MYOF: variants seen among roughly 807,000 people sequenced by gnomAD.
MYOF encodes fer-1-like 3, myoferlin.
In MYOF, 244 loss-of-function variants were observed where a neutral mutation model predicts 284.2. The observed-to-expected ratio is 0.86, with a 90% CI of 0.77 to 0.95. The LOEUF (loss-of-function observed/expected upper bound fraction) is 0.95. MYOF is among the 40% of genes least tolerant of loss of function. The pLI is 0.00. For missense variants in MYOF, 2,496 were observed against 2,560.6 expected (o/e 0.97, Z 0.54); for synonymous variants, 904 against 919.7 (o/e 0.98, Z 0.31).
intron 29 of MYOF, 46 bp downstream of exon 29, chr10:93,359,787 G>A (rs1351097877): frequency 1.2e-6 from 2 of 1,609,006 alleles, no homozygotes; most frequent in Admixed American, 3.4e-5. Flanking sequence ...TTGTAGTCAG[G>A]AGGGCAGAGC....
At chr10:93,418,700 T>TACAG (rs1848237355) in intron 5 of MYOF, among the ~76,000 whole-genome samples, 1 of 152,228 alleles carries the variant, frequency 6.6e-6, no homozygotes, top group African/African-American at 2.4e-5. Flanking sequence ...AGGCTCTCCA[T>TACAG]ACAGACTCGG....
chr10:93,344,728 A>T (rs1392698073), intron 37 of MYOF, among the ~76,000 whole-genome samples: 14 of 942 alleles, frequency 0.015, no homozygotes, highest in East Asian at 0.5. Flanking sequence ...ACTTAAATTA[A>T]AAAAAAAAAA....
chr10:93,442,039 C>G (rs369051760), intron 3 of MYOF, among the ~76,000 whole-genome samples: 86 of 114,948 alleles, frequency 7.5e-4, no homozygotes, highest in Admixed American at 4.4e-3. Flanking sequence ...CACACACACA[C>G]ACAGAATAAA....
At chr10:93,381,478 T>C in intron 19 of MYOF, 82 bp from the exon 20 acceptor site, 1 of 1,370,086 alleles carries the variant, frequency 7.3e-7, no homozygotes, top group Non-Finnish European at 1.0e-6. Context: ...GACGCAATTC[T>C]ACACCTAATA....
chr10:93,316,928 C>T, intron 49 of MYOF, 115 bp from the exon 50 acceptor site: 1 of 761,478 alleles, frequency 1.3e-6, no homozygotes, highest in Non-Finnish European at 2.2e-6. Context: ...CTGACACTCC[C>T]TTGGGCCTAA....
rs756798158 is a variant in MYOF at position 93,366,394 on chromosome 10, T to G, written c.2751A>C (p.Arg917Ser). 15 of 1,610,826 alleles carry G rather than the reference T, an allele frequency of 9.3e-6. No individual in the cohort carries two copies. In the South Asian group the frequency reaches 1.7e-4, roughly 18 times the overall value. Residue 917 changes from arginine (R) to serine (S), a missense_variant and splice_region_variant, in exon 26 of 54, where the codon AGA (arginine) becomes AGC (serine). This residue lies in a region of MYOF where 2,436 missense variants were observed against 2,480.7 expected (regional missense o/e 0.98). Coordinates refer to ENST00000359263, the MANE Select transcript of MYOF (RefSeq NM_013451.4). The stretch of plus-strand genomic sequence containing the variant: ...TACTCAGAAAATGGACAACTTACCT[T>G]CTTTCAGGATCAACTATCCACTCTC... ...WEGEWIVDPE[R>S]SLLTEADAGH...
Position 93,329,693 on chromosome 10 carries a change from G to A in MYOF, c.4953C>T (p.Ser1651=). Residue 1651 remains serine, a synonymous_variant, in exon 44 of 54, where the codon TCC becomes TCT. Coordinates refer to ENST00000359263, the MANE Select transcript of MYOF (RefSeq NM_013451.4). The part of the protein sequence containing the change: ...LENRFLSRFG[S]HCGIPEEYCV... ...AGTACTCCTCTGGTATGCCGCAGTG[G>A]GACCCAAAGCGGGAAAGGAATCGGT... The A allele has an allele frequency of 6.2e-7, 1 of 1,614,142 alleles. No individual in the cohort carries two copies. The highest frequency in any genetic ancestry group is 8.5e-7 in the Non-Finnish European group (1 of 1,180,038).
intron 3 of MYOF, among the ~76,000 whole-genome samples, chr10:93,440,669 T>A (rs1169671272): frequency 1.3e-5 from 2 of 152,212 alleles, no homozygotes; most frequent in East Asian, 3.9e-4. Flanking sequence ...GTGGCATGAA[T>A]AAATTAGCTG....
intron 1 of MYOF, among the ~76,000 whole-genome samples, chr10:93,460,606 A>G (rs1214115942): frequency 6.6e-6 from 1 of 151,850 alleles, no homozygotes; most frequent in Admixed American, 6.6e-5. Context: ...CTCTACTAAA[A>G]TACAAAAAAT....
At chr10:93,377,486 C>T in intron 21 of MYOF, 57 bp from the exon 22 acceptor site, 1 of 1,225,834 alleles carries the variant, frequency 8.2e-7, no homozygotes, top group Non-Finnish European at 1.2e-6. Context: ...GCCATTATAC[C>T]TTTTCATATA....
chr10:93,415,207 C>T (rs147538072), intron 5 of MYOF, among the ~76,000 whole-genome samples: 236 of 152,270 alleles, frequency 1.5e-3, no homozygotes, highest in African/African-American at 5.2e-3. Context: ...CTGCAACCAC[C>T]CCACTGCATG....
chr10:93,325,931 G>A lies in MYOF; in HGVS notation c.5166C>T (p.Ala1722=). 3 of 1,614,008 alleles carry A rather than the reference G, an allele frequency of 1.9e-6. No homozygotes were observed. The highest frequency in any genetic ancestry group is 2.5e-6 in the Non-Finnish European group (3 of 1,180,004). ...ANKILHQHLG[A]PEERLALHIL... is the part of the protein sequence containing the mutation. ...TGTGAAGAGCAAGCCGCTCTTCAGGGGCCCCGAGGTGCTGGTGCAGGATTT... is the reference window on the plus strand; with the variant it reads ...TGTGAAGAGCAAGCCGCTCTTCAGGAGCCCCGAGGTGCTGGTGCAGGATTT... Residue 1722 remains alanine, a synonymous_variant, in exon 46 of 54, where the codon GCC becomes GCT. Transcript: ENST00000359263.
intron 50 of MYOF, among the ~76,000 whole-genome samples, chr10:93,313,948 C>T (rs1842500584): frequency 1.3e-5 from 2 of 152,110 alleles, no homozygotes; most frequent in Non-Finnish European, 2.9e-5. Context: ...ATGAAATGTG[C>T]ATGTCCAAGA....
At chr10:93,447,982 T>G (rs2056481573) in intron 3 of MYOF, among the ~76,000 whole-genome samples, 1 of 152,206 alleles carries the variant, frequency 6.6e-6, no homozygotes, top group African/African-American at 2.4e-5. Flanking sequence ...CAAAAGCTTT[T>G]AACGGATTCT....
chr10:93,401,427 T>A lies in MYOF; in HGVS notation c.1108A>T (p.Ile370Phe). 11 of 1,614,126 alleles carry A rather than the reference T, an allele frequency of 6.8e-6. No individual in the cohort carries two copies. Among genetic ancestry groups the A allele is most frequent in the Non-Finnish European group, 9.3e-6 (11 of 1,180,004 alleles). ...TTAAATCAGTACATACTCTGGGGGA[T>A]GTCCTCAGCTCGGTAGATTTTCAGC... ...FLLKIYRAED[I>F]PQMDDAFSQT... Residue 370 changes from isoleucine (I) to phenylalanine (F), a missense_variant, in exon 12 of 54, where the codon ATC becomes TTC. By Grantham distance (21) the Ile-to-Phe change is conservative. Transcript: ENST00000359263.
At chr10:93,331,995 G>A (rs1843328666) in intron 43 of MYOF, among the ~76,000 whole-genome samples, 1 of 152,186 alleles carries the variant, frequency 6.6e-6, no homozygotes, top group Non-Finnish European at 1.5e-5. Context: ...AAGGCGGTTG[G>A]AAAAGCATGG....
At chr10:93,409,845 T>A (rs41290208) in intron 5 of MYOF, 106 bp from the exon 6 acceptor site, 40 of 1,390,076 alleles carry the variant, frequency 2.9e-5, no homozygotes, top group Non-Finnish European at 3.3e-5. Flanking sequence ...GTTTTAAGTG[T>A]TCCTAAAGTG....
intron 40 of MYOF, among the ~76,000 whole-genome samples, chr10:93,336,945 AAGGT>A (rs905187216): frequency 4.0e-5 from 6 of 149,898 alleles, no homozygotes; most frequent in Non-Finnish European, 7.4e-5. Context: ...GAAGGAAAGA[AAGGT>A]AGGAAGACAG....
intron 49 of MYOF, among the ~76,000 whole-genome samples, chr10:93,318,296 C>T (rs909371072): frequency 6.6e-6 from 1 of 152,044 alleles, no homozygotes; most frequent in Non-Finnish European, 1.5e-5. Flanking sequence ...TGATGCATGC[C>T]TATAGTTCCA....
Sources: gnomAD v4.1 joint callset for allele counts (sites outside exome capture counted in the v4.1 genomes callset) on GRCh38, gnomAD v4.1.1 for gene constraint, gnomAD v4.1.1 regional missense constraint, MANE v1.5 for transcripts, NCBI Gene and HGNC (gene_info 2026-07-23, HGNC 2026-07-21) for gene names.